The following DPP6 variants were observed in gnomAD, a reference collection of about 807,000 sequenced individuals.
DPP6 encodes the protein dipeptidyl peptidase like 6, also known as A-type potassium channel modulatory protein DPP6.
Under a neutral mutation model 122.6 loss-of-function variants are expected in DPP6, and 69 were observed. The ratio of observed to expected loss-of-function variants is 0.56; its 90% CI spans 0.46 to 0.69. The LOEUF is 0.69. DPP6 is among the 30% of genes least tolerant of loss of function. DPP6 has a pLI of 0.00. For missense variants in DPP6, 928 were observed against 1,116.9 expected (o/e 0.83, Z 2.41); for synonymous variants, 418 against 433.1 (o/e 0.97, Z 0.43).
chr7:153,792,163 C>T, the DPP6 span, among the ~76,000 whole-genome samples: 132 of 151,772 alleles, frequency 8.7e-4, no homozygotes, highest in African/African-American at 3.0e-3. Flanking sequence ...TTCTTTCACA[C>T]TACAGTAACT....
chr7:154,693,440 C>G (rs1840043077), intron 7 of DPP6, among the ~76,000 whole-genome samples: 1 of 152,148 alleles, frequency 6.6e-6, no homozygotes, highest in African/African-American at 2.4e-5. Context: ...TTTTGGAGAG[C>G]ACTGATTTTC....
chr7:154,514,366 T>C lies in DPP6; in HGVS notation c.458-26166T>C, dbSNP rs556950549. Among the ~76,000 whole-genome samples the C allele has an allele frequency of 2.7e-4, 41 of 152,178 alleles. No individual in the cohort carries two copies. The South Asian group carries it at 7.9e-3, about 29-fold the overall frequency. On this transcript the variant is annotated intron_variant, in intron 3 of 25. Coordinates refer to ENST00000377770, the MANE Select transcript of DPP6 (RefSeq NM_130797.4). The stretch of plus-strand genomic sequence containing the variant: ...ACTTTCCATCAAACCCATTTTTCTT[T>C]CTCAGGAATTCTTTTTTTTCAATTG...
chr7:154,370,431 CATCAA>C (rs768549522), intron 1 of DPP6, among the ~76,000 whole-genome samples: 18 of 152,044 alleles, frequency 1.2e-4, no homozygotes, highest in Non-Finnish European at 2.4e-4. Flanking sequence ...GTCTCATGTT[CATCAA>C]ATCAGCCCAA....
At chr7:153,904,233 G>A (rs10237020) in intron 1 of DPP6, among the ~76,000 whole-genome samples, 29 of 152,116 alleles carry the variant, frequency 1.9e-4, no homozygotes, top group African/African-American at 6.3e-4. Flanking sequence ...TGTATTCTTA[G>A]TAAAGACGGG....
At chr7:154,779,284 C>T (rs1162950108) in intron 10 of DPP6, among the ~76,000 whole-genome samples, 2 of 90,896 alleles carry the variant, frequency 2.2e-5, no homozygotes, top group African/African-American at 6.4e-5. Flanking sequence ...CCTCCACCAC[C>T]ACCCCCACTA....
chr7:153,913,674 TG>T (rs11354017), intron 1 of DPP6, among the ~76,000 whole-genome samples: 50,959 of 151,904 alleles, frequency 0.34, 8,906 homozygotes, highest in East Asian at 0.53. Context: ...AATCCAGTTT[TG>T]GGGACCATTG....
At chr7:154,263,031 C>T (rs576655235) in intron 1 of DPP6, among the ~76,000 whole-genome samples, 2 of 152,282 alleles carry the variant, frequency 1.3e-5, no homozygotes, top group East Asian at 1.9e-4. Flanking sequence ...TTACTGACTC[C>T]GTAATACTTC....
rs553949940 is a variant in DPP6 at position 154,658,689 on chromosome 7, G to A, written c.681-10671G>A. Among the ~76,000 whole-genome samples the A allele has an allele frequency of 1.5e-4, 23 of 152,338 alleles. 1 individual carries two copies. The South Asian group carries it at 2.5e-3, about 16-fold the overall frequency. ...GAGGGAGAGCCTTCAGTGCTCCTCT[G>A]TCTGCCCCACACCTCCTTGTCCCTT... On this transcript the variant is annotated intron_variant, in intron 6 of 25. Transcript: ENST00000377770.
chr7:154,850,605 G>A (rs4960623), intron 16 of DPP6, among the ~76,000 whole-genome samples: 57,445 of 151,992 alleles, frequency 0.38, 13,372 homozygotes, highest in East Asian at 0.79. Context: ...TTTGATAGGA[G>A]ACTTTTTATT....
At chr7:154,214,517 C>A (rs11505644) in intron 1 of DPP6, among the ~76,000 whole-genome samples, 10,709 of 152,260 alleles carry the variant, frequency 0.07, 454 homozygotes, top group African/African-American at 0.11. Context: ...GTTCAAAGAG[C>A]ACCACCTCCA....
chr7:154,440,689 AG>A (rs748723470), intron 1 of DPP6, among the ~76,000 whole-genome samples: 78 of 152,194 alleles, frequency 5.1e-4, no homozygotes, highest in Non-Finnish European at 6.9e-4. Context: ...GCTGCCTGAT[AG>A]AAGAAGAGAT....
chr7:154,846,087 G>T (rs1801921302), intron 16 of DPP6, among the ~76,000 whole-genome samples: 2 of 152,142 alleles, frequency 1.3e-5, no homozygotes, highest in Non-Finnish European at 2.9e-5. Flanking sequence ...CATGAGAGTG[G>T]ACATGAACTG....
intron 1 of DPP6, among the ~76,000 whole-genome samples, chr7:153,934,206 G>T (rs1185202832): frequency 6.6e-6 from 1 of 152,140 alleles, no homozygotes; most frequent in Non-Finnish European, 1.5e-5. Context: ...GGGGCCTGGC[G>T]ACAGGGTACT....
chr7:154,266,852 T>C (rs1452777275), intron 1 of DPP6, among the ~76,000 whole-genome samples: 1 of 152,346 alleles, frequency 6.6e-6, no homozygotes, highest in Admixed American at 6.5e-5. Context: ...TATTTGCCTT[T>C]TGTACTTTCA....
the DPP6 span, among the ~76,000 whole-genome samples, chr7:153,864,718 C>T: frequency 7.4e-6 from 1 of 135,290 alleles, no homozygotes; most frequent in Non-Finnish European, 1.6e-5. Context: ...CACACACACA[C>T]ACACGTGCTT....
chr7:154,125,774 G>A (rs575890812), intron 1 of DPP6, among the ~76,000 whole-genome samples: 59 of 152,270 alleles, frequency 3.9e-4, no homozygotes, highest in African/African-American at 1.3e-3. Flanking sequence ...AGACTCTATT[G>A]TGTTCAGAAG....
chr7:154,484,977 A>G (rs578034304), intron 3 of DPP6, among the ~76,000 whole-genome samples: 1 of 152,178 alleles, frequency 6.6e-6, no homozygotes, highest in East Asian at 1.9e-4. Context: ...TTTTTTAAAT[A>G]AAGCTTATGG....
At chr7:154,820,584 T>C (rs1043729480) in intron 16 of DPP6, among the ~76,000 whole-genome samples, 1 of 152,168 alleles carries the variant, frequency 6.6e-6, no homozygotes, top group African/African-American at 2.4e-5. Flanking sequence ...GTCAAAATTA[T>C]GAACAGAACA....
chr7:154,197,487 G>A (rs1215167776), intron 1 of DPP6, among the ~76,000 whole-genome samples: 4 of 152,016 alleles, frequency 2.6e-5, no homozygotes, highest in Non-Finnish European at 5.9e-5. Context: ...ACCTTCCCTC[G>A]GAACACCCGG....
Sources: gnomAD v4.1 joint callset for allele counts (sites outside exome capture counted in the v4.1 genomes callset) on GRCh38, gnomAD v4.1.1 for gene constraint, MANE v1.5 for transcripts, NCBI Gene and HGNC (gene_info 2026-07-23, HGNC 2026-07-21) for gene names.